COL12A1: variants seen among roughly 807,000 people sequenced by gnomAD.
COL12A1 encodes collagen alpha-1(XII) chain.
A neutral mutation model predicts 349.7 loss-of-function variants in COL12A1; 114 were observed. The observed-to-expected ratio is 0.33, with a 90% CI of 0.28 to 0.38. The LOEUF (loss-of-function observed/expected upper bound fraction) is 0.38, where lower values mean the gene tolerates loss of function less well. COL12A1 is among the 10% of genes least tolerant of loss of function. COL12A1 has a pLI of 1.00. For synonymous variants in COL12A1, 1,369 were observed against 1,329.0 expected (o/e 1.03, Z -0.66); for missense variants, 3,284 against 3,756.9 (o/e 0.87, Z 3.29).
In COL12A1 at chr6:75,137,496, G is replaced by T; in HGVS notation, c.5335C>A (p.Arg1779Ser). Reference sequence around the variant, plus strand: ...TAAGTGATCCTATATTTCTGCACACGACCACTAGCAGGATCCCACTTAACA... The same window carrying T: ...TAAGTGATCCTATATTTCTGCACACTACCACTAGCAGGATCCCACTTAACA... The part of the protein sequence containing the change: ...LTVKWDPASG[R>S]VQKYRITYQP... The change falls in exon 31 of 66, where the codon CGT becomes AGT. Residue 1779 changes from arginine (R) to serine (S), a missense_variant. Coordinates refer to ENST00000322507, the MANE Select transcript of COL12A1 (RefSeq NM_004370.6). 1 of 1,613,664 alleles carries T rather than the reference G, an allele frequency of 6.2e-7. No individual in the cohort carries two copies. Among genetic ancestry groups the T allele is most frequent in the Non-Finnish European group, 8.5e-7 (1 of 1,179,804 alleles).
At chr6:75,181,707 A>G (rs917828393) in intron 10 of COL12A1, among the ~76,000 whole-genome samples, 1 of 152,240 alleles carries the variant, frequency 6.6e-6, no homozygotes, top group Admixed American at 6.5e-5. Context: ...AATCATAGAA[A>G]GAGACAATGT....
rs993593939 is a variant in COL12A1, at chr6:75,123,959, T to G, written c.6860A>C (p.Lys2287Thr). The change falls in exon 42 of 66, where the codon AAA (lysine) becomes ACA (threonine). Residue 2287 changes from lysine to threonine, a missense_variant. By Grantham distance (78) the Lys-to-Thr change is moderately conservative. Transcript: ENST00000322507. ...PNLEGPGVSV[K>T]EHTTVKPTEA... ...CCTCAAAAACTTACTGGTATGTTCT[T>G]TAACAGAGACTCCTGGTCCCTCGAG... 74 of 1,611,016 alleles carry G rather than the reference T, an allele frequency of 4.6e-5. No individual in the cohort carries two copies. The highest frequency in any genetic ancestry group is 6.3e-5 in the Non-Finnish European group (74 of 1,177,932).
chr6:75,145,528 C>T, intron 24 of COL12A1, 73 bp from the exon 25 acceptor site: 1 of 1,493,818 alleles, frequency 6.7e-7, no homozygotes, highest in Non-Finnish European at 9.1e-7. Context: ...GAATAGTCAA[C>T]TGAAGTTTAT....
Position 75,117,410 on chromosome 6 carries a change from A to G in COL12A1, c.7491T>C (p.Ile2497=), listed in dbSNP as rs1157317368. Residue 2497 remains isoleucine (I), a synonymous_variant, in exon 47 of 66, where the codon ATT becomes ATC. Coordinates refer to ENST00000322507, the MANE Select transcript of COL12A1 (RefSeq NM_004370.6). ...AAGTGGCAGTTTCACAAACAAATGT[A>G]ATAAGATTGTCTTCGATCTTCTCAA... ...ESFEKIEDNL[I]TFVCETATSS... is the part of the protein sequence containing the mutation. 3.7e-6 allele frequency: 6 copies of G among 1,613,492 alleles called. No individual in the cohort carries two copies. In the Admixed American group the frequency reaches 6.7e-5, roughly 18 times the overall value.
intron 27 of COL12A1, among the ~76,000 whole-genome samples, chr6:75,140,910 A>C (rs1219679657): frequency 2.0e-5 from 3 of 152,180 alleles, no homozygotes; most frequent in African/African-American, 7.2e-5. Flanking sequence ...GCTATTGAAC[A>C]CTTAAAATGT....
intron 13 of COL12A1, among the ~76,000 whole-genome samples, chr6:75,174,178 T>G (rs1441966862): frequency 6.6e-6 from 1 of 152,248 alleles, no homozygotes; most frequent in Non-Finnish European, 1.5e-5. Flanking sequence ...GTCTTGCTGA[T>G]GTTTCTTACT....
chr6:75,168,391 G>A (rs1400029766), intron 13 of COL12A1, among the ~76,000 whole-genome samples: 1 of 152,200 alleles, frequency 6.6e-6, no homozygotes, highest in Non-Finnish European at 1.5e-5. Context: ...AATGAAGCAA[G>A]TGGATTGCGC....
intron 49 of COL12A1, among the ~76,000 whole-genome samples, 166 bp downstream of exon 49, chr6:75,115,607 AAACAACTATGT>A (rs1393494000): frequency 5.9e-5 from 9 of 152,164 alleles, no homozygotes; most frequent in African/African-American, 2.2e-4. Context: ...TCCTGTGTGC[AAACAACTATGT>A]AACCTGGAAA....
rs770324969 is a variant in COL12A1 at position 75,155,777 on chromosome 6, C to A, written c.3328G>T (p.Ala1110Ser). 3 of 1,613,496 alleles carry A rather than the reference C, an allele frequency of 1.9e-6. No individual in the cohort carries two copies. The highest frequency in any genetic ancestry group is 2.5e-6 in the Non-Finnish European group (3 of 1,179,700). Residue 1110 changes from alanine to serine, a missense_variant, in exon 16 of 66, where the codon GCC becomes TCC. By Grantham distance (99) the Ala-to-Ser change is moderately conservative. Coordinates refer to ENST00000322507, the MANE Select transcript of COL12A1 (RefSeq NM_004370.6). ...TTATAACCCTTCACTTCCCCAGGGG[C>A]AGGCTCCCAAGTCACTCGGAAGCTT... ...MSSFRVTWEP[A>S]PGEVKGYKVT... is the part of the protein sequence containing the mutation.
chr6:75,133,213 T>C, intron 34 of COL12A1, 80 bp downstream of exon 34: 6 of 1,266,054 alleles, frequency 4.7e-6, no homozygotes, highest in Non-Finnish European at 6.2e-6. Context: ...TTCCTAATTC[T>C]CTTTAATGGG....
intron 13 of COL12A1, among the ~76,000 whole-genome samples, chr6:75,174,812 T>C (rs570555575): frequency 4.8e-4 from 73 of 152,328 alleles, no homozygotes; most frequent in African/African-American, 1.7e-3. Flanking sequence ...TTATTATGCA[T>C]CCAGCTCCCC....
At chr6:75,198,999 T>C (rs1770381415) in intron 2 of COL12A1, among the ~76,000 whole-genome samples, 2 of 152,370 alleles carry the variant, frequency 1.3e-5, no homozygotes, top group South Asian at 4.1e-4. Context: ...ACTTTAATTA[T>C]CTTTGCCATG....
intron 7 of COL12A1, among the ~76,000 whole-genome samples, chr6:75,188,828 T>A (rs1335435431): frequency 6.6e-6 from 1 of 152,174 alleles, no homozygotes; most frequent in Non-Finnish European, 1.5e-5. Flanking sequence ...GTAAAGATAA[T>A]ACTTTTTTCT....
chr6:75,183,741 T>TA (rs36085827), intron 9 of COL12A1, 89 bp from the exon 10 acceptor site: 203 of 1,455,784 alleles, frequency 1.4e-4, no homozygotes, highest in African/African-American at 1.3e-3. Flanking sequence ...CGTGCTTCTT[T>TA]AAAAAAAAAA....
chr6:75,201,222 T>C (rs1248130035), intron 2 of COL12A1, among the ~76,000 whole-genome samples: 8 of 152,314 alleles, frequency 5.3e-5, no homozygotes, highest in African/African-American at 1.9e-4. Flanking sequence ...ATATCTGTAG[T>C]AGGGCCTCCA....
intron 13 of COL12A1, among the ~76,000 whole-genome samples, chr6:75,172,369 A>G (rs1768681576): frequency 6.6e-6 from 1 of 152,218 alleles, no homozygotes; most frequent in Non-Finnish European, 1.5e-5. Flanking sequence ...ACTGAGCATA[A>G]ATATATTTTT....
intron 13 of COL12A1, among the ~76,000 whole-genome samples, chr6:75,171,605 C>T (rs1402085487): frequency 6.6e-6 from 1 of 152,180 alleles, no homozygotes; most frequent in Admixed American, 6.5e-5. Flanking sequence ...ATAAAGGAAA[C>T]ATTCCTTCAA....
At chr6:75,134,047 A>G in intron 32 of COL12A1, 50 bp from the exon 33 acceptor site, 1 of 1,569,896 alleles carries the variant, frequency 6.4e-7, no homozygotes, top group Non-Finnish European at 8.7e-7. Context: ...AATCAAGCAC[A>G]CATGAAACAC....
At chr6:75,167,661 G>GA (rs1180037718) in intron 13 of COL12A1, among the ~76,000 whole-genome samples, 11 of 152,082 alleles carry the variant, frequency 7.2e-5, no homozygotes, top group African/African-American at 2.7e-4. Context: ...TTCACTGTGA[G>GA]AAAAATAATA....
Sources: allele counts gnomAD v4.1 joint callset (sites outside exome capture counted in the v4.1 genomes callset), GRCh38; gene constraint gnomAD v4.1.1; transcripts MANE v1.5; gene names NCBI Gene and HGNC (gene_info 2026-07-23, HGNC 2026-07-21).